Variants in SHQ1 observed in about 807,000 individuals in gnomAD.
SHQ1 encodes protein SHQ1 homolog.
Under a neutral mutation model 53.8 loss-of-function variants are expected in SHQ1, and 49 were observed. The observed-to-expected ratio is 0.91, with a 90% confidence interval of 0.72 to 1.16. The LOEUF (loss-of-function observed/expected upper bound fraction) is 1.16, where lower values mean the gene tolerates loss of function less well. Among genes scored for constraint, SHQ1 ranks in the 50% most tolerant of loss-of-function variants. The pLI is 0.00. For synonymous variants in SHQ1, 243 were observed against 251.0 expected, an observed-to-expected ratio of 0.97 and a Z score of 0.30; for missense variants, 738 against 683.1, an observed-to-expected ratio of 1.08 and a Z score of -0.90.
rs184196600 is a variant in SHQ1, at chr3:72,753,573, G to C, written c.1182-2737C>G. The C allele has an allele frequency of 1.4e-3, 1,368 of 985,332 alleles. 13 individuals are homozygous for C. The African/African-American group carries it at 0.019, about 14-fold the overall frequency. The allele number at this position is 985,332 out of a possible 1,614,324, so 61.0% of individuals were successfully genotyped here. A position where few individuals can be genotyped will look rare whatever the true frequency, so the allele number is the denominator to read the frequency against. The stretch of plus-strand genomic sequence containing the variant: ...AGCGGGAGGCACAGTGCGGTGAGTG[G>C]GACAAGGGCAGTCACCATCGTTGAT... On this transcript the variant is annotated intron_variant, in intron 10 of 10. Transcript: ENST00000325599.
At chr3:72,782,859 C>T (rs1028973582) in intron 10 of SHQ1, among the ~76,000 whole-genome samples, 5 of 152,148 alleles carry the variant, frequency 3.3e-5, no homozygotes, top group Admixed American at 2.0e-4. Flanking sequence ...CAATGTAAGC[C>T]TTTTCTCTGA....
At chr3:72,815,267 T>C (rs141917584) in intron 8 of SHQ1, 83 bp downstream of exon 8, 749 of 1,149,068 alleles carry the variant, frequency 6.5e-4, no homozygotes, top group Non-Finnish European at 8.0e-4. Context: ...AAGGAATTGC[T>C]TGAATTACCC....
At chr3:72,767,501 T>C (rs993143958) in intron 10 of SHQ1, among the ~76,000 whole-genome samples, 5 of 152,228 alleles carry the variant, frequency 3.3e-5, no homozygotes, top group African/African-American at 1.2e-4. Context: ...TTAAGTCTCC[T>C]AGAATAGTTT....
rs141315712 is a variant in SHQ1, at chr3:72,822,785, G to A, written c.727+1639C>T. ...TGTCTATATATACATAATGTGAGAA[G>A]TCTCTGAAAGCTGCTTAAACTCAAA... On this transcript the variant is annotated intron_variant, in intron 6 of 10. Transcript: ENST00000325599. 4.0e-4 allele frequency among the ~76,000 whole-genome samples: 61 copies of A among 152,270 alleles called. No individual in the cohort carries two copies. In the East Asian group the frequency reaches 0.011, roughly 27 times the overall value.
At chr3:72,823,071 A>G (rs963483137) in intron 6 of SHQ1, among the ~76,000 whole-genome samples, 4 of 150,156 alleles carry the variant, frequency 2.7e-5, no homozygotes, top group Non-Finnish European at 5.9e-5. Flanking sequence ...ATGGCGTGAA[A>G]CCGGGAGGCA....
chr3:72,792,805 A>C lies in SHQ1; in HGVS notation c.1181+111T>G, dbSNP rs1032449237. The C allele has an allele frequency of 1.0e-5, 8 of 786,242 alleles. No homozygotes were observed. In the African/African-American group the frequency reaches 1.2e-4, roughly 11 times the overall value. The allele number at this position is 786,242 out of a possible 1,614,324, so 48.7% of individuals were successfully genotyped here. On this transcript the variant is annotated intron_variant, in intron 10 of 10. Transcript: ENST00000325599. ...ATCTCAAAAAAAAAAAAAAAAAAAA[A>C]AAAAAACACAACTTACTCCTCAGGT...
intron 9 of SHQ1, 24 bp from the exon 10 acceptor site, chr3:72,793,060 A>C: frequency 6.3e-7 from 1 of 1,579,630 alleles, no homozygotes; most frequent in Non-Finnish European, 8.6e-7. Flanking sequence ...AAAAAACATA[A>C]AATTATCCTT....
rs1287035315 is a variant in SHQ1 at position 72,826,567 on chromosome 3, C to G, written c.600-2016G>C. ...CCTGGCCCTCACACAACTTACAATC[C>G]CATGGGAGAGTCAAGCAATTACAAT... On this transcript the variant is annotated intron_variant, in intron 5 of 10. Transcript: ENST00000325599. Among the ~76,000 whole-genome samples, 8 of 152,166 alleles carry G rather than the reference C, an allele frequency of 5.3e-5. No individual in the cohort carries two copies. In the East Asian group the frequency reaches 1.5e-3, roughly 29 times the overall value.
intron 5 of SHQ1, among the ~76,000 whole-genome samples, chr3:72,832,146 C>A (rs952045877): frequency 2.0e-5 from 3 of 152,156 alleles, no homozygotes; most frequent in African/African-American, 7.2e-5. Context: ...TAGAAGAGTT[C>A]TCTGTTGCTA....
chr3:72,740,658 T>G, the SHQ1 span, among the ~76,000 whole-genome samples: 2 of 152,192 alleles, frequency 1.3e-5, no homozygotes, highest in Non-Finnish European at 2.9e-5. Context: ...TCAGGCGTTA[T>G]GGAGCCTCGG....
chr3:72,732,380 G>GCCTTCCTT, the SHQ1 span, among the ~76,000 whole-genome samples: 333 of 94,534 alleles, frequency 3.5e-3, no homozygotes, highest in Middle Eastern at 5.2e-3. Flanking sequence ...CTGCCTGCCT[G>GCCTTCCTT]CCTGCCTGCC....
chr3:72,826,368 C>A lies in SHQ1; in HGVS notation c.600-1817G>T, dbSNP rs565379938. 2.0e-5 allele frequency among the ~76,000 whole-genome samples: 3 copies of A among 152,310 alleles called. No homozygotes were observed. In the South Asian group the frequency reaches 6.2e-4, roughly 32 times the overall value. On this transcript the variant is annotated intron_variant, in intron 5 of 10. Coordinates refer to ENST00000325599, the MANE Select transcript of SHQ1 (RefSeq NM_018130.3). Reference sequence around the variant, plus strand: ...TGAAGTTCTACTATAAACTCATCCACAAATCAGAACGTGAGCTTTTTTCTA... The same window carrying A: ...TGAAGTTCTACTATAAACTCATCCAAAAATCAGAACGTGAGCTTTTTTCTA...
intron 9 of SHQ1, among the ~76,000 whole-genome samples, chr3:72,800,793 T>A (rs1369704358): frequency 6.6e-6 from 1 of 152,246 alleles, no homozygotes; most frequent in Non-Finnish European, 1.5e-5. Flanking sequence ...AAATGTGGCA[T>A]ATACAATTTG....
chr3:72,806,694 A>G (rs1028316397), intron 9 of SHQ1, among the ~76,000 whole-genome samples: 3 of 152,196 alleles, frequency 2.0e-5, no homozygotes, highest in Non-Finnish European at 4.4e-5. Flanking sequence ...CATAGCAGAA[A>G]CTACACTATC....
At chr3:72,838,801 A>G (rs1012337086) in intron 4 of SHQ1, among the ~76,000 whole-genome samples, 1 of 152,294 alleles carries the variant, frequency 6.6e-6, no homozygotes, top group South Asian at 2.1e-4. Flanking sequence ...ACAGTGGTTT[A>G]TTTCTGATGG....
intron 10 of SHQ1, among the ~76,000 whole-genome samples, chr3:72,786,539 C>T (rs923240259): frequency 6.6e-6 from 1 of 152,154 alleles, no homozygotes; most frequent in African/African-American, 2.4e-5. Context: ...ATCCCCACTT[C>T]CCCACCTGCA....
chr3:72,784,183 C>T (rs958458260), intron 10 of SHQ1, among the ~76,000 whole-genome samples: 2 of 145,040 alleles, frequency 1.4e-5, no homozygotes, highest in African/African-American at 2.5e-5. Flanking sequence ...AAAAGAACAA[C>T]AAAAATATCC....
intron 10 of SHQ1, among the ~76,000 whole-genome samples, chr3:72,790,483 T>C (rs1295704624): frequency 1.3e-5 from 2 of 152,102 alleles, no homozygotes; most frequent in African/African-American, 4.8e-5. Context: ...CATGGCTCTT[T>C]TCAAACATAA....
At chr3:72,828,798 C>G (rs1032486452) in intron 5 of SHQ1, among the ~76,000 whole-genome samples, 7 of 152,052 alleles carry the variant, frequency 4.6e-5, no homozygotes, top group African/African-American at 1.7e-4. Context: ...AGTGAAGCTA[C>G]AGAGGTAGGC....
Sources: gnomAD v4.1 joint callset for allele counts (sites outside exome capture counted in the v4.1 genomes callset) on GRCh38, gnomAD v4.1.1 for gene constraint, MANE v1.5 for transcripts, NCBI Gene and HGNC (gene_info 2026-07-23, HGNC 2026-07-21) for gene names.